The following DISC1 variants were observed in gnomAD, a reference collection of about 807,000 sequenced individuals.
DISC1 encodes DISC1 scaffold protein, also known as disrupted in schizophrenia 1 protein.
A neutral mutation model predicts 84.5 loss-of-function variants in DISC1; 57 were observed. That is an observed-to-expected ratio of 0.67 (90% confidence interval 0.55 to 0.84). The LOEUF (loss-of-function observed/expected upper bound fraction) is 0.84. Among genes scored for constraint, DISC1 ranks in the 40% least tolerant of loss-of-function variants. The probability of loss-of-function intolerance (pLI) is 0.00; values close to 1 mark genes in which losing one functional copy is unlikely to be tolerated. For synonymous variants in DISC1, 411 were observed against 415.2 expected (o/e 0.99, Z 0.12); for missense variants, 1,000 against 1,057.8 (o/e 0.95, Z 0.76).
At chr1:231,704,664 G>A (rs1205704387) in intron 3 of DISC1, among the ~76,000 whole-genome samples, 1 of 150,398 alleles carries the variant, frequency 6.6e-6, no homozygotes, top group African/African-American at 2.4e-5. Context: ...GGAGGCTGAG[G>A]CAGGAGAATG....
intron 5 of DISC1, among the ~76,000 whole-genome samples, chr1:231,770,367 C>G (rs558106010): frequency 6.6e-6 from 1 of 152,274 alleles, no homozygotes; most frequent in South Asian, 2.1e-4. Context: ...GTCCTGTAGA[C>G]TTAAGAAGCC....
intron 6 of DISC1, among the ~76,000 whole-genome samples, chr1:231,774,076 C>T (rs1005749933): frequency 8.6e-5 from 13 of 151,494 alleles, no homozygotes; most frequent in Middle Eastern, 3.2e-3. Flanking sequence ...CTAATCTCTA[C>T]AAAAATAAAA....
chr1:231,861,133 T>C (rs201193109), intron 9 of DISC1, among the ~76,000 whole-genome samples: 5 of 152,198 alleles, frequency 3.3e-5, no homozygotes, highest in African/African-American at 4.8e-5. Context: ...GAGCTTCATC[T>C]GGGCTCTGTG....
At chr1:232,025,740 G>A (rs1207536292) in intron 11 of DISC1, among the ~76,000 whole-genome samples, 3 of 151,786 alleles carry the variant, frequency 2.0e-5, no homozygotes, top group Admixed American at 6.6e-5. Context: ...GGGACTACAG[G>A]CGCCCGCCAC....
chr1:231,728,161 T>G (rs948801371), intron 3 of DISC1, among the ~76,000 whole-genome samples: 8 of 152,172 alleles, frequency 5.3e-5, no homozygotes, highest in African/African-American at 1.9e-4. Flanking sequence ...ACTTGATCAT[T>G]TTATTCCTCT....
At position 231,694,523 on chromosome 1, in the gene DISC1, T is replaced by G. The variant is rs1209847846; in HGVS notation, c.765T>G (p.Pro255=). Residue 255 remains proline (P), a synonymous_variant, in exon 2 of 13, where the codon CCT becomes CCG. Transcript: ENST00000439617. ...CCAAAGCTGCCAGCTTGGACGGGCCTCACGAGGACCCGCGATGTCTCTCTC... is the reference window on the plus strand; with the variant it reads ...CCAAAGCTGCCAGCTTGGACGGGCCGCACGAGGACCCGCGATGTCTCTCTC... ...MGAKAASLDG[P]HEDPRCLSRP... 2 of 1,614,254 alleles carry G rather than the reference T, an allele frequency of 1.2e-6. No individual in the cohort carries two copies. Among genetic ancestry groups the G allele is most frequent in the South Asian group, 2.2e-5 (2 of 91,090 alleles).
intron 12 of DISC1, among the ~76,000 whole-genome samples, chr1:232,028,980 G>A (rs1669744214): frequency 6.6e-6 from 1 of 152,182 alleles, no homozygotes; most frequent in Admixed American, 6.5e-5. Context: ...TTTCTGATGA[G>A]TAGCAGAACT....
intron 6 of DISC1, among the ~76,000 whole-genome samples, chr1:231,777,820 T>C (rs1399763990): frequency 2.6e-5 from 4 of 152,220 alleles, no homozygotes; most frequent in African/African-American, 7.2e-5. Context: ...ACAATAACCC[T>C]ATAAGGTTTG....
chr1:231,865,340 A>G (rs2084973327), intron 9 of DISC1, among the ~76,000 whole-genome samples: 2 of 152,176 alleles, frequency 1.3e-5, no homozygotes, highest in South Asian at 4.1e-4. Flanking sequence ...CCACCAATAC[A>G]TTGGGCAGTG....
intron 9 of DISC1, among the ~76,000 whole-genome samples, chr1:231,869,623 G>C (rs1193916674): frequency 1.3e-5 from 2 of 151,842 alleles, no homozygotes; most frequent in African/African-American, 2.4e-5. Flanking sequence ...GAAAGAGGAG[G>C]AGGTGCCAGG....
intron 9 of DISC1, among the ~76,000 whole-genome samples, chr1:231,877,959 A>G (rs1197641848): frequency 6.6e-6 from 1 of 152,268 alleles, no homozygotes; most frequent in African/African-American, 2.4e-5. Flanking sequence ...CACTGAGGGC[A>G]AGATGAAGAC....
intron 6 of DISC1, among the ~76,000 whole-genome samples, chr1:231,782,905 C>G (rs2077544152): frequency 6.6e-6 from 1 of 152,080 alleles, no homozygotes; most frequent in African/African-American, 2.4e-5. Context: ...TCGTGTCACT[C>G]TACTCCAGCC....
At chr1:231,733,683 AGTC>A (rs2071992252) in intron 3 of DISC1, among the ~76,000 whole-genome samples, 1 of 139,196 alleles carries the variant, frequency 7.2e-6, no homozygotes, top group Non-Finnish European at 1.6e-5. Flanking sequence ...TGGTGGGAGA[AGTC>A]GTAGTGGTGG....
At chr1:231,984,041 C>T (rs1664049074) in intron 10 of DISC1, among the ~76,000 whole-genome samples, 1 of 152,162 alleles carries the variant, frequency 6.6e-6, no homozygotes, top group Non-Finnish European at 1.5e-5. Flanking sequence ...GGCATGGGGC[C>T]AGGATTCAAA....
chr1:231,941,685 A>G (rs552474515), intron 9 of DISC1, among the ~76,000 whole-genome samples: 61 of 152,116 alleles, frequency 4.0e-4, no homozygotes, highest in African/African-American at 1.3e-3. Context: ...GTTGGCCAGG[A>G]TGGTCTCGAT....
chr1:232,013,933 G>T (rs1362088824), intron 11 of DISC1, among the ~76,000 whole-genome samples: 1 of 152,150 alleles, frequency 6.6e-6, no homozygotes, highest in Admixed American at 6.5e-5. Context: ...AAAAAGGAGT[G>T]TGAGAGGGGA....
At chr1:231,807,506 A>G (rs1358866276) in intron 8 of DISC1, among the ~76,000 whole-genome samples, 2 of 152,256 alleles carry the variant, frequency 1.3e-5, no homozygotes, top group East Asian at 3.8e-4. Flanking sequence ...TTTTCAAAAA[A>G]TGGACCCTCA....
chr1:231,982,248 A>G (rs1267616906), intron 10 of DISC1, among the ~76,000 whole-genome samples: 2 of 152,144 alleles, frequency 1.3e-5, no homozygotes, highest in Admixed American at 6.5e-5. Context: ...AATGCAAAGT[A>G]TTGATTAAAT....
At chr1:231,888,391 G>A (rs769086615) in intron 9 of DISC1, among the ~76,000 whole-genome samples, 16 of 152,038 alleles carry the variant, frequency 1.1e-4, no homozygotes, top group African/African-American at 3.9e-4. Context: ...GGAGGGAGAC[G>A]AGAGGTGCCA....
Sources: gnomAD v4.1 joint callset for allele counts (sites outside exome capture counted in the v4.1 genomes callset) on GRCh38, gnomAD v4.1.1 for gene constraint, MANE v1.5 for transcripts, NCBI Gene and HGNC (gene_info 2026-07-23, HGNC 2026-07-21) for gene names.